The following FBLN7 variants were observed in gnomAD, a reference collection of about 807,000 sequenced individuals.
FBLN7 encodes fibulin 7.
In FBLN7, 31 loss-of-function variants were observed where a neutral mutation model predicts 44.0. The ratio of observed to expected loss-of-function variants is 0.70; its 90% CI spans 0.53 to 0.95. FBLN7 has a LOEUF of 0.95. FBLN7 is among the 40% of genes least tolerant of loss of function. FBLN7 has a pLI of 0.00. For missense variants in FBLN7, 573 were observed against 618.5 expected, an observed-to-expected ratio of 0.93 and a Z score of 0.78; for synonymous variants, 262 against 253.4, an observed-to-expected ratio of 1.03 and a Z score of -0.32.
At chr2:112,206,259 CT>C in the FBLN7 span, among the ~76,000 whole-genome samples, 13 of 152,144 alleles carry the variant, frequency 8.5e-5, no homozygotes, top group African/African-American at 2.9e-4. Flanking sequence ...TGTCATCTCT[CT>C]TTTGCTCCTT....
At chr2:112,189,969 A>G (rs1170233818), downstream of FBLN7, 1 of 152,214 alleles carries the variant, frequency 6.6e-6, no homozygotes, top group African/African-American at 2.4e-5. Context: ...AGGTCTATGC[A>G]CTGTGATTTA....
chr2:112,238,174 G>T, the FBLN7 span: 2 of 874,848 alleles, frequency 2.3e-6, no homozygotes, highest in Non-Finnish European at 3.4e-6. Flanking sequence ...GGCCATGCAA[G>T]CTCATGTCTG....
chr2:112,187,138 T>C lies in FBLN7; in HGVS notation c.952T>C (p.Cys318Arg), dbSNP rs760537934. 44 of 1,613,622 alleles carry C rather than the reference T, an allele frequency of 2.7e-5. No individual in the cohort carries two copies. Among genetic ancestry groups the C allele is most frequent in the Non-Finnish European group, 3.6e-5 (42 of 1,179,866 alleles). ...CATTTTGCCTCTCCGCTCCAGCCAG[T>C]GTGAGCGGAACCCCTGCCCCATGGA... Reference protein sequence around the residue: ...VSYVKTSPFQCERNPCPMDSR... With the variant: ...VSYVKTSPFQRERNPCPMDSR... The change falls in exon 8 of 8, where the codon TGT becomes CGT. Residue 318 changes from cysteine (C) to arginine (R), a missense_variant. By Grantham distance (180) the Cys-to-Arg change is radical. Transcript: ENST00000331203. This position sits in a 1 kb window ranked among gnomAD's most constrained non-coding sequence, Gnocchi z 5.1.
intron 4 of FBLN7, among the ~76,000 whole-genome samples, chr2:112,179,034 A>G (rs560492723): frequency 5.1e-4 from 78 of 152,350 alleles, no homozygotes; most frequent in Middle Eastern, 3.4e-3. Flanking sequence ...ATAGGAAGAG[A>G]GGAAATCAAA....
chr2:112,139,396 C>T (rs1412133999), intron 1 of FBLN7, among the ~76,000 whole-genome samples: 2 of 13,904 alleles, frequency 1.4e-4, no homozygotes, highest in Admixed American at 5.3e-4. Context: ...TCTCTCCAGG[C>T]CAGTGTCCCT....
At chr2:112,152,964 A>G (rs1002725136) in intron 1 of FBLN7, 1 of 152,144 alleles carries the variant, frequency 6.6e-6, no homozygotes, top group African/African-American at 2.4e-5. Flanking sequence ...GTGTGTATAT[A>G]TAATATATAT....
chr2:112,221,252 T>C, the FBLN7 span, among the ~76,000 whole-genome samples: 1 of 152,214 alleles, frequency 6.6e-6, no homozygotes, highest in South Asian at 2.1e-4. Flanking sequence ...GGCAGATTTC[T>C]CATGAATGGT....
the FBLN7 span, among the ~76,000 whole-genome samples, chr2:112,199,755 T>C: frequency 1.3e-5 from 2 of 152,210 alleles, no homozygotes; most frequent in Non-Finnish European, 2.9e-5. Context: ...CCCTCATGAA[T>C]GGATTAATGG....
intron 2 of FBLN7, among the ~76,000 whole-genome samples, chr2:112,163,743 C>A (rs960054892): frequency 2.7e-5 from 4 of 147,924 alleles, no homozygotes; most frequent in South Asian, 2.2e-4. Context: ...GAGGCCCGGT[C>A]TCACACGGAG....
the FBLN7 span, among the ~76,000 whole-genome samples, chr2:112,237,176 G>A: frequency 6.6e-6 from 1 of 152,092 alleles, no homozygotes; most frequent in Non-Finnish European, 1.5e-5. Flanking sequence ...TGGGACTAAG[G>A]GACCAAAAAG....
the FBLN7 span, among the ~76,000 whole-genome samples, chr2:112,241,078 G>C: frequency 6.6e-6 from 1 of 151,566 alleles, no homozygotes; most frequent in African/African-American, 2.4e-5. Flanking sequence ...TCAAATTTCT[G>C]ATAGACAAAA....
At chr2:112,194,120 G>T in the FBLN7 span, among the ~76,000 whole-genome samples, 2 of 152,142 alleles carry the variant, frequency 1.3e-5, no homozygotes, top group African/African-American at 2.4e-5. Context: ...TTACCTAAGG[G>T]TCACTCACAT....
chr2:112,171,974 C>T (rs180694292), intron 3 of FBLN7, among the ~76,000 whole-genome samples: 17 of 152,270 alleles, frequency 1.1e-4, no homozygotes, highest in Admixed American at 2.0e-4. Context: ...GTCTCGATCT[C>T]CTGACCTCAT....
At chr2:112,183,174 T>C (rs1435709454) in intron 6 of FBLN7, among the ~76,000 whole-genome samples, 2 of 152,080 alleles carry the variant, frequency 1.3e-5, no homozygotes, top group Admixed American at 1.3e-4. Context: ...AGTAAATGGG[T>C]TTTTTGTTTT....
intron 2 of FBLN7, among the ~76,000 whole-genome samples, chr2:112,161,882 G>A (rs1413858745): frequency 6.6e-6 from 1 of 152,244 alleles, no homozygotes. Flanking sequence ...TATGCGTGCA[G>A]AGGCTGATCC....
chr2:112,158,999 C>T (rs1160392870), intron 1 of FBLN7, among the ~76,000 whole-genome samples: 1 of 152,100 alleles, frequency 6.6e-6, no homozygotes, highest in Admixed American at 6.5e-5. Flanking sequence ...CTTCTAGCCC[C>T]GGAACTGTGA....
chr2:112,185,540 C>A (rs1290568819), intron 7 of FBLN7, among the ~76,000 whole-genome samples: 1 of 152,138 alleles, frequency 6.6e-6, no homozygotes, highest in Non-Finnish European at 1.5e-5. Flanking sequence ...GAAATAAGAA[C>A]CCCATTCCCC....
chr2:112,228,916 T>C, the FBLN7 span, among the ~76,000 whole-genome samples: 1 of 151,550 alleles, frequency 6.6e-6, no homozygotes, highest in African/African-American at 2.4e-5. Flanking sequence ...TGGGCAGAGA[T>C]CTAAACTGAC....
chr2:112,236,716 TAAAAAATGACATAAAG>T, the FBLN7 span: 1 of 1,575,858 alleles, frequency 6.3e-7, no homozygotes, highest in Non-Finnish European at 8.6e-7. Context: ...AAAATTAATT[TAAAAAATGACATAAAG>T]TTACAATAGC....
Sources: allele counts gnomAD v4.1 joint callset (sites outside exome capture counted in the v4.1 genomes callset), GRCh38; gene constraint gnomAD v4.1.1; non-coding constraint Gnocchi (gnomAD v3.1); transcripts MANE v1.5; gene names NCBI Gene and HGNC (gene_info 2026-07-23, HGNC 2026-07-21).